ZNF18: variants seen among roughly 807,000 people sequenced by gnomAD.
ZNF18 encodes the protein heart development-specific gene 1 protein.
A neutral mutation model predicts 58.1 loss-of-function variants in ZNF18; 42 were observed. That is an observed-to-expected ratio of 0.72 (90% CI 0.56 to 0.93). The LOEUF (loss-of-function observed/expected upper bound fraction) is 0.93, where lower values mean the gene tolerates loss of function less well. ZNF18 is among the 40% of genes least tolerant of loss of function. ZNF18 has a pLI of 0.00. For missense variants in ZNF18, 540 were observed against 644.2 expected, an observed-to-expected ratio of 0.84 and a Z score of 1.75; for synonymous variants, 231 against 239.8, an observed-to-expected ratio of 0.96 and a Z score of 0.34.
At chr17:12,009,769 A>G in the ZNF18 span, among the ~76,000 whole-genome samples, 1 of 152,056 alleles carries the variant, frequency 6.6e-6, no homozygotes, top group Admixed American at 6.6e-5. Context: ...GAGCTTTTAA[A>G]TCATCCCTCC....
At chr17:12,002,776 G>A in the ZNF18 span, among the ~76,000 whole-genome samples, 2 of 152,316 alleles carry the variant, frequency 1.3e-5, no homozygotes, top group African/African-American at 4.8e-5. Flanking sequence ...TGAGATTGTT[G>A]TGGGCCAGAT....
intron 4 of ZNF18, among the ~76,000 whole-genome samples, chr17:11,987,053 CTT>C (rs1167324859): frequency 6.6e-6 from 1 of 152,186 alleles, no homozygotes; most frequent in Non-Finnish European, 1.5e-5. Context: ...CAGCTTGCCT[CTT>C]TCTCATATTT....
the ZNF18 span, among the ~76,000 whole-genome samples, chr17:12,006,716 A>G: frequency 6.6e-6 from 1 of 152,018 alleles, no homozygotes; most frequent in African/African-American, 2.4e-5. Context: ...TCACCACCAC[A>G]CTCCAACCTA....
chr17:12,006,178 AC>A, the ZNF18 span, among the ~76,000 whole-genome samples: 1 of 152,224 alleles, frequency 6.6e-6, no homozygotes, highest in Non-Finnish European at 1.5e-5. Context: ...AAACTTCAGG[AC>A]ACAAACAGAT....
At chr17:12,014,438 T>C in the ZNF18 span, among the ~76,000 whole-genome samples, 1 of 152,170 alleles carries the variant, frequency 6.6e-6, no homozygotes, top group Non-Finnish European at 1.5e-5. Flanking sequence ...CCATACAATA[T>C]AATATTATCC....
At chr17:12,006,753 G>A in the ZNF18 span, among the ~76,000 whole-genome samples, 5 of 151,786 alleles carry the variant, frequency 3.3e-5, no homozygotes, top group Admixed American at 3.3e-4. Context: ...AAAAAGAACT[G>A]AGCAAAAATA....
At chr17:12,000,230 T>C (rs531671910), upstream of ZNF18, among the ~76,000 whole-genome samples, 3 of 152,178 alleles carry the variant, frequency 2.0e-5, no homozygotes, top group East Asian at 3.9e-4. Context: ...CATAAACGTT[T>C]AGGCCATGAA....
chr17:12,015,064 A>T, the ZNF18 span, among the ~76,000 whole-genome samples: 1 of 151,972 alleles, frequency 6.6e-6, no homozygotes, highest in East Asian at 1.9e-4. Context: ...AACAAAAAAA[A>T]CCCCACTGAA....
At chr17:12,012,955 ATTT>A in the ZNF18 span, among the ~76,000 whole-genome samples, 3 of 136,242 alleles carry the variant, frequency 2.2e-5, no homozygotes, top group Non-Finnish European at 1.6e-5. Context: ...ATTTGTAGGA[ATTT>A]TTTTTTTTTT....
Position 11,978,660 on chromosome 17 carries a change from G to A in ZNF18, c.947C>T (p.Ser316Leu). Reference protein sequence around the residue: ...QELLHASCQASGEVPSQASLR... With the variant: ...QELLHASCQALGEVPSQASLR... ...GGAAGCCTGAGAAGGAACCTCTCCT[G>A]AAGCTTGACAGGAAGCATGCAGGAG... The change falls in exon 7 of 7, where the codon TCA (serine) becomes TTA (leucine). Residue 316 changes from serine (S) to leucine (L), a missense_variant. Physicochemically the swap from Ser to Leu is moderately radical, Grantham distance 145. Transcript: ENST00000580306. 1 of 1,613,456 alleles carries A rather than the reference G, an allele frequency of 6.2e-7. No individual in the cohort carries two copies. Among genetic ancestry groups the A allele is most frequent in the Admixed American group, 1.7e-5 (1 of 59,986 alleles).
upstream of ZNF18, among the ~76,000 whole-genome samples, chr17:11,998,157 C>G (rs1261893557): frequency 6.6e-6 from 1 of 152,152 alleles, no homozygotes; most frequent in Non-Finnish European, 1.5e-5. Context: ...ACCTCATTGT[C>G]TCTCAGACAC....
intron 1 of ZNF18, among the ~76,000 whole-genome samples, chr17:11,996,406 A>G (rs922622535): frequency 6.6e-6 from 1 of 152,208 alleles, no homozygotes; most frequent in African/African-American, 2.4e-5. Flanking sequence ...ATAGCAGTTT[A>G]GATAATATTT....
the ZNF18 span, among the ~76,000 whole-genome samples, chr17:12,003,743 T>C: frequency 6.6e-6 from 1 of 152,164 alleles, no homozygotes; most frequent in East Asian, 1.9e-4. Flanking sequence ...AAAAAGTCAT[T>C]CCATGCTTAG....
chr17:11,978,458 G>A lies in ZNF18; in HGVS notation c.1149C>T (p.Ser383=), dbSNP rs201699990. The change falls in exon 7 of 7, where the codon TCC becomes TCT. Residue 383 remains serine (S), a synonymous_variant. Transcript: ENST00000580306. The stretch of plus-strand genomic sequence containing the variant: ...CTCTCTTCTCCTCAAGCCACATGGT[G>A]GACATTTCTCCTGAATGAGGATTAG... ...HLPNPHSGEM[S]TMWLEEKRET... 211 of 1,577,962 alleles carry A rather than the reference G, an allele frequency of 1.3e-4. 3 individuals carry two copies. In the East Asian group the frequency reaches 4.3e-3, roughly 32 times the overall value.
chr17:12,018,804 C>A, the ZNF18 span, among the ~76,000 whole-genome samples: 1 of 152,040 alleles, frequency 6.6e-6, no homozygotes, highest in South Asian at 2.1e-4. Context: ...AAGTATATGT[C>A]AGTTTTATCA....
the ZNF18 span, among the ~76,000 whole-genome samples, chr17:12,013,347 TTG>T: frequency 2.6e-5 from 4 of 152,272 alleles, no homozygotes; most frequent in Non-Finnish European, 4.4e-5. Context: ...ACTTTGCTTA[TTG>T]TGTTTTTTGC....
the ZNF18 span, chr17:12,020,843 G>A: frequency 1.1e-5 from 10 of 930,264 alleles, no homozygotes; most frequent in Non-Finnish European, 1.4e-5. Context: ...CGAGCTTGCT[G>A]CATTGCAGCC....
chr17:11,978,346 A>G lies in ZNF18; in HGVS notation c.1261T>C (p.Ser421Pro), dbSNP rs200567412. The change falls in exon 7 of 7, where the codon TCT (serine) becomes CCT (proline). Residue 421 changes from serine (S) to proline (P), a missense_variant. By Grantham distance (74) the Ser-to-Pro change is moderately conservative. Coordinates refer to ENST00000580306, the MANE Select transcript of ZNF18 (RefSeq NM_001303281.2). Reference sequence around the variant, plus strand: ...GTTCTTTGGTGAAAAATAAGCTGAGAATTCCTATAAAAGGTCTTCCCACAC... The same window carrying G: ...GTTCTTTGGTGAAAAATAAGCTGAGGATTCCTATAAAAGGTCTTCCCACAC... ...RECGKTFYRN[S>P]QLIFHQRTHT... The G allele has an allele frequency of 2.5e-6, 4 of 1,579,366 alleles. No individual in the cohort carries two copies. The highest frequency in any genetic ancestry group is 2.2e-5 in the East Asian group (1 of 44,702).
intron 1 of ZNF18, among the ~76,000 whole-genome samples, chr17:11,994,069 T>C (rs943767804): frequency 6.6e-6 from 1 of 152,132 alleles, no homozygotes; most frequent in Non-Finnish European, 1.5e-5. Context: ...GGTAAATCCT[T>C]AAATGTTATG....
Sources: gnomAD v4.1 joint callset for allele counts (sites outside exome capture counted in the v4.1 genomes callset) on GRCh38, gnomAD v4.1.1 for gene constraint, MANE v1.5 for transcripts, NCBI Gene and HGNC (gene_info 2026-07-23, HGNC 2026-07-21) for gene names.